Variants in PNCK observed in about 807,000 individuals in gnomAD.
PNCK encodes pregnancy up-regulated nonubiquitous CaM kinase.
A neutral mutation model predicts 28.3 loss-of-function variants in PNCK; 21 were observed. The observed-to-expected ratio is 0.74, with a 90% CI of 0.53 to 1.07. The LOEUF (loss-of-function observed/expected upper bound fraction) is 1.07. Ranked by LOEUF, PNCK falls within the 50% of genes least tolerant of loss-of-function variation. The pLI is 0.00. For missense variants in PNCK, 250 were observed against 298.3 expected (o/e 0.84, Z 1.19); for synonymous variants, 136 against 125.2 (o/e 1.09, Z -0.58).
intron 1 of PNCK, among the ~76,000 whole-genome samples, chrX:153,684,952 T>C (rs1557042942): frequency 1.0e-5 from 1 of 98,726 alleles, no homozygotes; most frequent in Non-Finnish European, 2.1e-5. Flanking sequence ...GGTGCAGCTC[T>C]CCCCCCGCCC....
intron 1 of PNCK, chrX:153,687,166 TG>T (rs1445335410): frequency 7.0e-5 from 10 of 141,879 alleles, no homozygotes; most frequent in Non-Finnish European, 1.2e-4. Context: ...ACGGGGTGGG[TG>T]GGGGGCGGGC....
At position 153,673,159 on chromosome X, in the gene PNCK, C is replaced by A. The variant is rs932056989; in HGVS notation, c.-2-81G>T. On this transcript the variant is annotated intron_variant, in intron 1 of 11. Transcript: ENST00000340888. Reference sequence around the variant, plus strand: ...GGCAGCTTCCTCCTCCACCCCCTGCCAGGCAGGCCTCAGCCATTGCCGCTG... The same window carrying A: ...GGCAGCTTCCTCCTCCACCCCCTGCAAGGCAGGCCTCAGCCATTGCCGCTG... The A allele has an allele frequency of 2.6e-6, 3 of 1,174,409 alleles. No homozygotes were observed. The African/African-American group carries it at 5.3e-5, about 21-fold the overall frequency.
chrX:153,678,748 TTCCCTGTGCTACAGAA>T (rs1291221103), upstream of PNCK, among the ~76,000 whole-genome samples: 1 of 111,483 alleles, frequency 9.0e-6, no homozygotes, highest in Non-Finnish European at 1.9e-5. Context: ...ACAGAACAGT[TTCCCTGTGCTACAGAA>T]TCCCTGTGCT....
chrX:153,669,897 C>CG lies in PNCK; in HGVS notation c.*240dup, dbSNP rs782365996. 0.014 allele frequency: 4,619 copies of CG among 336,165 alleles called. 116 individuals are homozygous for CG. The highest frequency in any genetic ancestry group is 0.091 in the African/African-American group (3,363 of 37,154). 27.7% of individuals were successfully genotyped at this position (336,165 alleles called of 1,213,427 possible). A position where few individuals can be genotyped will look rare whatever the true frequency, so the allele number is the denominator to read the frequency against. On this transcript the variant is annotated 3_prime_UTR_variant, in exon 12 of 12. Coordinates refer to ENST00000340888, the MANE Select transcript of PNCK (RefSeq NM_001366977.1). ...AGCACCCCCTCGGCTTTTGGCGGGGCGGGGGGGGCAGGGGCGGGAGAGGCA... is the reference window on the plus strand; with the variant it reads ...AGCACCCCCTCGGCTTTTGGCGGGGCGGGGGGGGGCAGGGGCGGGAGAGGCA...
intron 1 of PNCK, among the ~76,000 whole-genome samples, chrX:153,686,157 C>T (rs1275931827): frequency 8.9e-6 from 1 of 111,860 alleles, no homozygotes; most frequent in East Asian, 2.8e-4. Context: ...CTGCCTCGGC[C>T]TCCTCTGATC....
intron 11 of PNCK, 146 bp downstream of exon 11, chrX:153,670,304 G>T: frequency 1.2e-6 from 1 of 863,300 alleles, no homozygotes; most frequent in Non-Finnish European, 1.6e-6. Context: ...CTCTCCTGGG[G>T]CCCTGGCTCC....
chrX:153,681,250 G>A lies in PNCK; in HGVS notation c.-3+6181C>T, dbSNP rs189664491. Among the ~76,000 whole-genome samples the A allele has an allele frequency of 2.2e-3, 245 of 111,735 alleles. 1 individual carries two copies. The highest frequency in any genetic ancestry group is 7.2e-3 in the South Asian group (19 of 2,652). ...TCCTGCACAGAACAAAACATTACTT[G>A]TGTAGATACTGCCCCTCCAGGAGGT... is the stretch of plus-strand genomic sequence containing the variant. On this transcript the variant is annotated intron_variant, in intron 1 of 3. Transcript: ENST00000419804.
Position 153,670,968 on chromosome X carries a change from C to G in PNCK, c.756G>C (p.Glu252Asp). 1 of 1,212,121 alleles carries G rather than the reference C, an allele frequency of 8.3e-7. No individual in the cohort carries two copies. Among genetic ancestry groups the G allele is most frequent in the Non-Finnish European group, 1.1e-6 (1 of 895,571 alleles). Residue 252 changes from glutamate to aspartate, a missense_variant, in exon 9 of 12, where the codon GAG (glutamate) becomes GAC (aspartate). Coordinates refer to ENST00000340888, the MANE Select transcript of PNCK (RefSeq NM_001366977.1). ...SAKDFIRHLL[E>D]RDPQKRFTCQ... ...AGGTGAACCTCTTCTGGGGGTCTCG[C>G]TCCAGAAGGTGCCGGATGAAGTCTT...
upstream of PNCK, among the ~76,000 whole-genome samples, chrX:153,675,794 G>C (rs2148346507): frequency 9.1e-6 from 1 of 110,058 alleles, no homozygotes; most frequent in South Asian, 4.0e-4. Context: ...CCAAAGTGCT[G>C]GGATTACAGG....
intron 1 of PNCK, 46 bp from the exon 2 acceptor site, chrX:153,673,124 C>G (rs1557040723): frequency 8.5e-7 from 1 of 1,173,820 alleles, no homozygotes; most frequent in South Asian, 1.9e-5. Context: ...CCCGCCCCGC[C>G]GGGGGCAAGG....
At chrX:153,672,447 A>C (rs1171731425) in intron 3 of PNCK, 119 bp downstream of exon 3, 2 of 1,020,534 alleles carry the variant, frequency 2.0e-6, no homozygotes, top group African/African-American at 3.8e-5. Context: ...GTGCAGGCCC[A>C]GAGAGAGCAC....
chrX:153,682,132 G>A (rs2091398174), intron 1 of PNCK, among the ~76,000 whole-genome samples: 1 of 111,124 alleles, frequency 9.0e-6, no homozygotes, highest in African/African-American at 3.3e-5. Context: ...GGGACTACAG[G>A]CACGCACCAC....
At position 153,672,550 on chromosome X, in the gene PNCK, C is replaced by T; in HGVS notation, c.200+16G>A. ...ATCGACCTATGCCCCGTCCCAGGGC[C>T]CCGCGAGGTGCGCACCTACGGAGCA... On this transcript the variant is annotated intron_variant, in intron 3 of 11. Coordinates refer to ENST00000340888, the MANE Select transcript of PNCK (RefSeq NM_001366977.1). 2 of 1,201,777 alleles carry T rather than the reference C, an allele frequency of 1.7e-6. No homozygotes were observed. The highest frequency in any genetic ancestry group is 2.2e-5 in the Admixed American group (1 of 45,829).
chrX:153,687,201 C>A, intron 1 of PNCK: 2 of 205,281 alleles, frequency 9.7e-6, no homozygotes. Flanking sequence ...GGCCTGAGGC[C>A]TTTGGGGAAG....
rs781869160 is a variant in PNCK at position 153,680,595 on chromosome X, T to C, written c.-3+6836A>G. Among the ~76,000 whole-genome samples the C allele has an allele frequency of 7.2e-5, 8 of 110,488 alleles. No individual in the cohort carries two copies. In the East Asian group the frequency reaches 2.3e-3, roughly 31 times the overall value. On this transcript the variant is annotated intron_variant, in intron 1 of 3. Transcript: ENST00000419804. ...CAAGAACGGGCTCACATATGACAGA[T>C]AAAGAGCTGTAGTCCCAGCTACTTG...
At chrX:153,685,509 A>T (rs2091415131) in intron 1 of PNCK, among the ~76,000 whole-genome samples, 1 of 111,703 alleles carries the variant, frequency 9.0e-6, no homozygotes, top group South Asian at 3.7e-4. Context: ...GGCGGCTCCC[A>T]GGGTGGCCGA....
intron 1 of PNCK, 39 bp from the exon 2 acceptor site, chrX:153,673,117 G>A (rs1557040714): frequency 2.6e-6 from 3 of 1,159,892 alleles, no homozygotes; most frequent in Non-Finnish European, 3.5e-6. Flanking sequence ...GTCTCTCCCC[G>A]CCCCGCCGGG....
chrX:153,671,653 G>C lies in PNCK; in HGVS notation c.434C>G (p.Ala145Gly), dbSNP rs782768077. The change falls in exon 6 of 12, where the codon GCC becomes GGC. Residue 145 changes from alanine (A) to glycine (G), a missense_variant. Transcript: ENST00000340888. The part of the protein sequence containing the change: ...RDLKPENLLY[A>G]TPFEDSKIMV... ...GATCTTCGAGTCCTCAAAGGGCGTG[G>C]CATACAGGAGGTTTTCGGGCTGTGA... 2.5e-6 allele frequency: 3 copies of C among 1,193,538 alleles called. No homozygotes were observed. The East Asian group carries it at 8.9e-5, about 35-fold the overall frequency.
At chrX:153,672,101 C>T (rs1557040161) in intron 4 of PNCK, 25 bp downstream of exon 4, 2 of 1,198,232 alleles carry the variant, frequency 1.7e-6, no homozygotes, top group East Asian at 5.9e-5. Context: ...CCCCGGCTCC[C>T]ACAGCCTGCC....
Sources: gnomAD v4.1 joint callset for allele counts (sites outside exome capture counted in the v4.1 genomes callset) on GRCh38, gnomAD v4.1.1 for gene constraint, MANE v1.5 for transcripts, NCBI Gene and HGNC (gene_info 2026-07-23, HGNC 2026-07-21) for gene names.